GDI2: variants seen among roughly 807,000 people sequenced by gnomAD.
The protein encoded by GDI2 is rab GDP dissociation inhibitor beta.
GDI2 carries 22 observed loss-of-function variants against 54.2 expected under a neutral mutation model. That is an observed-to-expected ratio of 0.41 (90% CI 0.29 to 0.58). The LOEUF (loss-of-function observed/expected upper bound fraction) is 0.58, where lower values mean the gene tolerates loss of function less well. GDI2 is among the 20% of genes least tolerant of loss of function. GDI2 has a pLI of 0.35. For missense variants in GDI2, 422 were observed against 546.0 expected (o/e 0.77, Z 2.26); for synonymous variants, 177 against 182.1 (o/e 0.97, Z 0.23).
chr10:5,808,971 G>A (rs553117292), intron 1 of GDI2, among the ~76,000 whole-genome samples: 10 of 152,114 alleles, frequency 6.6e-5, no homozygotes, highest in East Asian at 1.9e-4. Flanking sequence ...TCAGCCAGGC[G>A]CGGTGGCTCA....
chr10:5,774,556 A>C lies in GDI2; in HGVS notation c.720-615T>G, dbSNP rs191114490. Among the ~76,000 whole-genome samples, 43 of 152,128 alleles carry C rather than the reference A, an allele frequency of 2.8e-4. No individual in the cohort carries two copies. The highest frequency in any genetic ancestry group is 2.5e-3 in the Admixed American group (38 of 15,278). ...CTCCCGCTTGCTAACCAATCACCGG[A>C]ACAGTTCCTCTCGGCCGCAGCGGCT... On this transcript the variant is annotated intron_variant, in intron 6 of 10. Transcript: ENST00000380191. The surrounding 1 kb of genome is among the most constrained non-coding windows in gnomAD (Gnocchi z 4.8).
In GDI2 at chr10:5,774,047, T is replaced by C; in HGVS notation, c.720-106A>G. ...TACAGACAATATACATTTGTTCAAT[T>C]TCCTTCTAGAAAGATGTCAGCTTAG... On this transcript the variant is annotated intron_variant, in intron 6 of 10. Coordinates refer to ENST00000380191, the MANE Select transcript of GDI2 (RefSeq NM_001494.4). This position sits in a 1 kb window ranked among gnomAD's most constrained non-coding sequence, Gnocchi z 4.8. The C allele has an allele frequency of 1.8e-6, 1 of 568,732 alleles. No individual in the cohort carries two copies. The allele number at this position is 568,732 out of a possible 1,614,324, so 35.2% of individuals were successfully genotyped here.
intron 1 of GDI2, among the ~76,000 whole-genome samples, chr10:5,810,896 A>G (rs1405539630): frequency 6.6e-6 from 1 of 152,218 alleles, no homozygotes; most frequent in Non-Finnish European, 1.5e-5. Context: ...CAACTCATAC[A>G]AACAATGGCA....
chr10:5,801,103 C>G (rs1194546697), intron 1 of GDI2, among the ~76,000 whole-genome samples: 1 of 152,026 alleles, frequency 6.6e-6, no homozygotes, highest in East Asian at 1.9e-4. Context: ...AGGTGCCCGC[C>G]ACCACACCCG....
At chr10:5,796,552 C>T (rs1423847645) in intron 3 of GDI2, among the ~76,000 whole-genome samples, 1 of 152,116 alleles carries the variant, frequency 6.6e-6, no homozygotes, top group African/African-American at 2.4e-5. Flanking sequence ...TCATTTGTTT[C>T]TCCAGAACCA....
chr10:5,781,374 TC>T (rs1465678111), intron 6 of GDI2, among the ~76,000 whole-genome samples: 1 of 151,476 alleles, frequency 6.6e-6, no homozygotes, highest in Non-Finnish European at 1.5e-5. Flanking sequence ...ACGCTTGTAA[TC>T]CCAGCACTTT....
chr10:5,773,705 T>C, intron 7 of GDI2, 137 bp downstream of exon 7: 1 of 609,708 alleles, frequency 1.6e-6, no homozygotes, highest in South Asian at 2.0e-5. Flanking sequence ...CAACTGTAAT[T>C]AGTCCTTAGT....
chr10:5,790,371 C>T (rs955877284), intron 4 of GDI2, among the ~76,000 whole-genome samples: 1 of 152,202 alleles, frequency 6.6e-6, no homozygotes, highest in South Asian at 2.1e-4. Flanking sequence ...AGGCCAGGTG[C>T]GGTGGCTCAC....
chr10:5,776,780 A>C lies in GDI2; in HGVS notation c.720-2839T>G, dbSNP rs1840631445. On this transcript the variant is annotated intron_variant, in intron 6 of 10. Transcript: ENST00000380191. This position sits in a 1 kb window ranked among gnomAD's most constrained non-coding sequence, Gnocchi z 5.3. ...GAAAGCCAAGGACATTCCAATCCCC[A>C]ATCTTCCTCCCTTGGATTTTCCATC... is the stretch of plus-strand genomic sequence containing the variant. 6.5e-7 allele frequency: 1 copy of C among 1,538,372 alleles called. No individual in the cohort carries two copies. Among genetic ancestry groups the C allele is most frequent in the African/African-American group, 1.4e-5 (1 of 72,938 alleles).
At chr10:5,792,494 T>C (rs1243226201) in intron 4 of GDI2, among the ~76,000 whole-genome samples, 2 of 152,190 alleles carry the variant, frequency 1.3e-5, no homozygotes, top group African/African-American at 2.4e-5. Context: ...CATTCCTTCA[T>C]TCTGCCTAGA....
chr10:5,796,945 T>A (rs945880240), intron 2 of GDI2, 83 bp from the exon 3 acceptor site: 8 of 675,246 alleles, frequency 1.2e-5, no homozygotes, highest in Non-Finnish European at 1.6e-5. Context: ...TATTAAGTGC[T>A]TTTAGTATAA....
intron 6 of GDI2, among the ~76,000 whole-genome samples, chr10:5,775,745 A>G (rs1840603931): frequency 6.6e-6 from 1 of 152,232 alleles, no homozygotes; most frequent in Non-Finnish European, 1.5e-5. Flanking sequence ...ATGTGTCTGA[A>G]GTTTAAAATT....
At position 5,809,939 on chromosome 10, in the gene GDI2, C is replaced by G. The variant is rs189675298; in HGVS notation, c.45+3275G>C. On this transcript the variant is annotated intron_variant, in intron 1 of 10. Transcript: ENST00000380191. The stretch of plus-strand genomic sequence containing the variant: ...ACGCTGGTTTAAACTGCCTACAACA[C>G]AGCTCCCAAGTGTAACAGCATTTGC... Among the ~76,000 whole-genome samples the G allele has an allele frequency of 7.7e-3, 1,175 of 151,898 alleles. 8 individuals are homozygous for G. Among genetic ancestry groups the G allele is most frequent in the Non-Finnish European group, 0.011 (740 of 67,756 alleles).
chr10:5,806,649 A>G, intron 1 of GDI2, among the ~76,000 whole-genome samples: 1 of 152,166 alleles, frequency 6.6e-6, no homozygotes, highest in East Asian at 1.9e-4. Flanking sequence ...AAATGAAGGT[A>G]TTTTAACAAC....
intron 4 of GDI2, among the ~76,000 whole-genome samples, chr10:5,792,791 T>C (rs1439255246): frequency 1.3e-5 from 2 of 151,322 alleles, no homozygotes; most frequent in African/African-American, 2.4e-5. Context: ...ACTCGAAATA[T>C]ACCTTTTAAC....
At chr10:5,800,424 A>G (rs1471302225) in intron 2 of GDI2, among the ~76,000 whole-genome samples, 174 bp downstream of exon 2, 1 of 152,224 alleles carries the variant, frequency 6.6e-6, no homozygotes, top group Non-Finnish European at 1.5e-5. Flanking sequence ...CATAGCAACA[A>G]AAGTCAAAAT....
chr10:5,811,689 A>C (rs1166263924), intron 1 of GDI2, among the ~76,000 whole-genome samples: 1 of 151,440 alleles, frequency 6.6e-6, no homozygotes, highest in African/African-American at 2.4e-5. Context: ...CAAAACCTGC[A>C]GTGGGTAGGG....
intron 6 of GDI2, among the ~76,000 whole-genome samples, chr10:5,780,691 C>T (rs1027990838): frequency 2.0e-5 from 3 of 152,152 alleles, no homozygotes; most frequent in African/African-American, 7.2e-5. Context: ...TTAACAGCGG[C>T]ATCAGTACAA....
intron 4 of GDI2, among the ~76,000 whole-genome samples, chr10:5,789,907 G>A (rs996008615): frequency 3.3e-5 from 5 of 152,204 alleles, no homozygotes; most frequent in African/African-American, 1.2e-4. Flanking sequence ...GAGCTCAAGT[G>A]TTTGAATATC....
Sources: gnomAD v4.1 joint callset for allele counts (sites outside exome capture counted in the v4.1 genomes callset) on GRCh38, gnomAD v4.1.1 for gene constraint, Gnocchi (gnomAD v3.1) non-coding constraint, MANE v1.5 for transcripts, NCBI Gene and HGNC (gene_info 2026-07-23, HGNC 2026-07-21) for gene names.